BCL2A1: variants seen among roughly 807,000 people sequenced by gnomAD.
BCL2A1 encodes the protein BCL2 related protein A1.
Under a neutral mutation model 14.4 loss-of-function variants are expected in BCL2A1, and 10 were observed. That is an observed-to-expected ratio of 0.69 (90% CI 0.43 to 1.18). The LOEUF is 1.18. BCL2A1 is among the 50% of genes most tolerant of loss of function. The pLI is 0.00. For synonymous variants in BCL2A1, 71 were observed against 76.5 expected (o/e 0.93, Z 0.38); for missense variants, 158 against 205.0 (o/e 0.77, Z 1.40).
intron 1 of BCL2A1, among the ~76,000 whole-genome samples, chr15:79,962,839 C>A (rs1249627139): frequency 6.6e-6 from 1 of 151,924 alleles, no homozygotes; most frequent in Non-Finnish European, 1.5e-5. Context: ...AGCCACCGCA[C>A]CCAGCATGAT....
At chr15:79,968,702 G>A (rs187128358) in intron 1 of BCL2A1, among the ~76,000 whole-genome samples, 169 of 152,364 alleles carry the variant, frequency 1.1e-3, no homozygotes, top group African/African-American at 3.9e-3. Context: ...AGGCCAAAGG[G>A]GGAGGATCAC....
chr15:79,967,207 G>A lies in BCL2A1; in HGVS notation c.420+3493C>T, dbSNP rs181689800. ...AGTTGGTGCTCTGAACATCTATGCTGTGCTCACATACCGCTTTTTTTTTTT... is the reference window on the plus strand; with the variant it reads ...AGTTGGTGCTCTGAACATCTATGCTATGCTCACATACCGCTTTTTTTTTTT... On this transcript the variant is annotated intron_variant, in intron 1 of 1. Transcript: ENST00000267953. Among the ~76,000 whole-genome samples the A allele has an allele frequency of 2.0e-5, 3 of 149,070 alleles. No homozygotes were observed. In the Admixed American group the frequency reaches 2.0e-4, roughly 10 times the overall value.
At chr15:79,961,414 A>G (rs1312662126) in intron 1 of BCL2A1, among the ~76,000 whole-genome samples, 1 of 152,198 alleles carries the variant, frequency 6.6e-6, no homozygotes, top group Non-Finnish European at 1.5e-5. Flanking sequence ...ATAGTTTTAG[A>G]GTTATTTTTA....
intron 1 of BCL2A1, among the ~76,000 whole-genome samples, chr15:79,967,119 G>C (rs1007518403): frequency 6.6e-6 from 1 of 151,656 alleles, no homozygotes; most frequent in Admixed American, 6.6e-5. Context: ...TAAGCAACTT[G>C]TACAATTCAC....
Position 79,970,936 on chromosome 15 carries a change from C to T in BCL2A1, c.184G>A (p.Val62Met). 6.2e-7 allele frequency: 1 copy of T among 1,614,210 alleles called. No individual in the cohort carries two copies. The change falls in exon 1 of 2, where the codon GTG becomes ATG. Residue 62 changes from valine to methionine, a missense_variant. By Grantham distance (21) the Val-to-Met change is conservative. Transcript: ENST00000267953. Reference protein sequence around the residue: ...LKSCLDNVNVVSVDTARTLFN... With the variant: ...LKSCLDNVNVMSVDTARTLFN... ...AGTGTTCTGGCAGTGTCTACGGACACAACATTAACATTGTCCAAGCATGAC... is the reference window on the plus strand; with the variant it reads ...AGTGTTCTGGCAGTGTCTACGGACATAACATTAACATTGTCCAAGCATGAC...
chr15:79,968,776 CAA>C (rs779831859), intron 1 of BCL2A1, among the ~76,000 whole-genome samples: 48 of 152,058 alleles, frequency 3.2e-4, no homozygotes, highest in Admixed American at 6.6e-4. Context: ...ACTAAAAATA[CAA>C]AATTAGCTGG....
At chr15:79,961,607 T>A (rs1443282636) in intron 1 of BCL2A1, among the ~76,000 whole-genome samples, 1 of 152,196 alleles carries the variant, frequency 6.6e-6, no homozygotes, top group Non-Finnish European at 1.5e-5. Flanking sequence ...TTCTCGTTCT[T>A]GTTCAATTGT....
At position 79,970,736 on chromosome 15, in the gene BCL2A1, A is replaced by G. The variant is rs141615302; in HGVS notation, c.384T>C (p.Asn128=). 1.1e-4 allele frequency: 180 copies of G among 1,613,648 alleles called. No homozygotes were observed. The highest frequency in any genetic ancestry group is 1.4e-4 in the Non-Finnish European group (162 of 1,179,664). Residue 128 remains asparagine (N), a synonymous_variant, in exon 1 of 2, where the codon AAT becomes AAC. Coordinates refer to ENST00000267953, the MANE Select transcript of BCL2A1 (RefSeq NM_004049.4). ...TTTGCCTTATCCATTCTCCTGTGTT[A>G]TTCATTATGAACTCCGCAACAAAAT... ...ISYFVAEFIM[N]NTGEWIRQNG...
At chr15:79,968,198 G>A (rs1370961084) in intron 1 of BCL2A1, among the ~76,000 whole-genome samples, 1 of 152,192 alleles carries the variant, frequency 6.6e-6, no homozygotes, top group African/African-American at 2.4e-5. Context: ...TGTGCTCCAA[G>A]TATTATGCTA....
intron 1 of BCL2A1, among the ~76,000 whole-genome samples, chr15:79,965,889 C>T (rs1051560110): frequency 1.3e-5 from 2 of 151,344 alleles, no homozygotes; most frequent in Non-Finnish European, 2.9e-5. Context: ...ATCATCTATA[C>T]ATGTCTCTGT....
At chr15:79,969,857 G>A (rs2035578212) in intron 1 of BCL2A1, among the ~76,000 whole-genome samples, 1 of 152,136 alleles carries the variant, frequency 6.6e-6, no homozygotes, top group Non-Finnish European at 1.5e-5. Context: ...CCTCTTGGGA[G>A]AGGTGAAGGC....
At chr15:79,969,242 C>T (rs983704037) in intron 1 of BCL2A1, among the ~76,000 whole-genome samples, 2 of 152,034 alleles carry the variant, frequency 1.3e-5, no homozygotes, top group African/African-American at 2.4e-5. Flanking sequence ...AGGAGAATCC[C>T]GGGGCATATC....
At chr15:79,970,556 T>C (rs1362331195) in intron 1 of BCL2A1, 144 bp downstream of exon 1, 7 of 856,640 alleles carry the variant, frequency 8.2e-6, no homozygotes, top group African/African-American at 1.7e-5. Context: ...AGAAAGTATA[T>C]TTTTATTTTA....
chr15:79,968,166 A>T (rs1034598202), intron 1 of BCL2A1, among the ~76,000 whole-genome samples: 1 of 152,236 alleles, frequency 6.6e-6, no homozygotes, highest in Non-Finnish European at 1.5e-5. Flanking sequence ...TAAATTTTTA[A>T]CTAACATTTA....
intron 1 of BCL2A1, chr15:79,967,702 A>T: frequency 7.0e-7 from 1 of 1,429,316 alleles, no homozygotes; most frequent in African/African-American, 1.4e-5. Context: ...CCTGAAATGA[A>T]TCATTCAAGA....
intron 1 of BCL2A1, among the ~76,000 whole-genome samples, chr15:79,965,674 G>A (rs2035535116): frequency 6.6e-6 from 1 of 152,156 alleles, no homozygotes; most frequent in Non-Finnish European, 1.5e-5. Context: ...GCACTTAAGT[G>A]TCATACATTT....
chr15:79,965,589 A>G (rs2035533989), intron 1 of BCL2A1, among the ~76,000 whole-genome samples: 1 of 152,130 alleles, frequency 6.6e-6, no homozygotes, highest in Non-Finnish European at 1.5e-5. Context: ...AGGGGCAGCC[A>G]GGGGGATTTG....
intron 1 of BCL2A1, among the ~76,000 whole-genome samples, chr15:79,969,214 C>A (rs7171710): frequency 1 from 152,302 of 152,310 alleles, 76,147 homozygotes; most frequent in Non-Finnish European, 1. Flanking sequence ...CAGCAACCTA[C>A]TGTTAGTCAG....
chr15:79,963,603 A>T (rs549696062), intron 1 of BCL2A1, among the ~76,000 whole-genome samples: 7 of 152,326 alleles, frequency 4.6e-5, no homozygotes, highest in Admixed American at 4.6e-4. Context: ...GTTTGTTGTG[A>T]CATTGTTCCA....
Sources: gnomAD v4.1 joint callset for allele counts (sites outside exome capture counted in the v4.1 genomes callset) on GRCh38, gnomAD v4.1.1 for gene constraint, MANE v1.5 for transcripts, NCBI Gene and HGNC (gene_info 2026-07-23, HGNC 2026-07-21) for gene names.